The following THSD7A variants were observed in gnomAD, a reference collection of about 807,000 sequenced individuals.
The protein encoded by THSD7A is thrombospondin type 1 domain containing 7A.
THSD7A carries 96 observed loss-of-function variants against 231.3 expected under a neutral mutation model. The ratio of observed to expected loss-of-function variants is 0.41; its 90% CI spans 0.35 to 0.49. The LOEUF is 0.49. Ranked by LOEUF, THSD7A falls within the 20% of genes least tolerant of loss-of-function variation. The pLI is 0.05. For synonymous variants in THSD7A, 940 were observed against 743.3 expected (o/e 1.26, Z -4.30); for missense variants, 2,290 against 2,070.2 (o/e 1.11, Z -2.06).
chr7:11,554,081 G>T (rs977314832), intron 4 of THSD7A, among the ~76,000 whole-genome samples: 1 of 151,932 alleles, frequency 6.6e-6, no homozygotes, highest in Non-Finnish European at 1.5e-5. Context: ...TATAAACATA[G>T]TACAATATTA....
intron 1 of THSD7A, among the ~76,000 whole-genome samples, chr7:11,713,456 C>T (rs1313836735): frequency 6.6e-6 from 1 of 151,208 alleles, no homozygotes; most frequent in African/African-American, 2.4e-5. Context: ...CTCATGCATG[C>T]TCTGAGAATG....
chr7:11,717,087 T>C (rs983513975), intron 1 of THSD7A, among the ~76,000 whole-genome samples: 9 of 99,888 alleles, frequency 9.0e-5, no homozygotes, highest in Non-Finnish European at 1.5e-4. Context: ...GAGAGAAAGC[T>C]AACATTTTTT....
chr7:11,764,970 T>C (rs936573916), intron 1 of THSD7A, among the ~76,000 whole-genome samples: 1 of 152,088 alleles, frequency 6.6e-6, no homozygotes, highest in Non-Finnish European at 1.5e-5. Flanking sequence ...GTATAGAAAC[T>C]CTTAATGACA....
chr7:11,482,306 A>G (rs1167396654), intron 6 of THSD7A, among the ~76,000 whole-genome samples: 1 of 152,190 alleles, frequency 6.6e-6, no homozygotes, highest in African/African-American at 2.4e-5. Context: ...TTAAGTTGTA[A>G]TAAGGAGCAT....
chr7:11,489,929 C>G (rs1263128322), intron 6 of THSD7A, among the ~76,000 whole-genome samples: 1 of 151,852 alleles, frequency 6.6e-6, no homozygotes, highest in Non-Finnish European at 1.5e-5. Flanking sequence ...TTTTAAATAT[C>G]TTTAAGAAAC....
chr7:11,791,506 A>C (rs1298508825), intron 1 of THSD7A, among the ~76,000 whole-genome samples: 1 of 152,000 alleles, frequency 6.6e-6, no homozygotes, highest in Non-Finnish European at 1.5e-5. Context: ...TTAGTTGATC[A>C]TCATATTTGA....
intron 1 of THSD7A, among the ~76,000 whole-genome samples, chr7:11,686,191 G>T (rs1235756085): frequency 6.6e-6 from 1 of 151,740 alleles, no homozygotes; most frequent in Non-Finnish European, 1.5e-5. Context: ...CCAAAGGTGG[G>T]GAGAAAGAGT....
chr7:11,605,802 C>T (rs953597362), intron 2 of THSD7A, among the ~76,000 whole-genome samples: 1 of 152,104 alleles, frequency 6.6e-6, no homozygotes, highest in Admixed American at 6.6e-5. Flanking sequence ...ACTGCTGTTT[C>T]TCTAAAGCTT....
intron 1 of THSD7A, among the ~76,000 whole-genome samples, chr7:11,718,332 A>G (rs1781215799): frequency 6.6e-6 from 1 of 151,684 alleles, no homozygotes; most frequent in African/African-American, 2.4e-5. Flanking sequence ...CTGTCTACAT[A>G]GATACATATA....
At chr7:11,382,265 T>A (rs1427673841) in intron 24 of THSD7A, among the ~76,000 whole-genome samples, 1 of 152,140 alleles carries the variant, frequency 6.6e-6, no homozygotes, top group Non-Finnish European at 1.5e-5. Context: ...AATTATTTAT[T>A]AGAATTAGAT....
chr7:11,595,399 T>G (rs1325873013), intron 2 of THSD7A, among the ~76,000 whole-genome samples: 1 of 152,162 alleles, frequency 6.6e-6, no homozygotes. Context: ...CTGAATTTAT[T>G]GATTTGGGCC....
At chr7:11,576,524 G>T (rs376884411) in intron 4 of THSD7A, among the ~76,000 whole-genome samples, 1 of 152,156 alleles carries the variant, frequency 6.6e-6, no homozygotes, top group Admixed American at 6.5e-5. Flanking sequence ...AGCCGGTCTG[G>T]ATTTGATTCT....
At chr7:11,618,862 T>C (rs1398098492) in intron 2 of THSD7A, among the ~76,000 whole-genome samples, 1 of 151,852 alleles carries the variant, frequency 6.6e-6, no homozygotes, top group Admixed American at 6.6e-5. Context: ...TGCACACATA[T>C]GAATTTAGAT....
intron 6 of THSD7A, among the ~76,000 whole-genome samples, chr7:11,506,524 A>G (rs62435209): frequency 0.29 from 43,717 of 152,024 alleles, 6,469 homozygotes; most frequent in South Asian, 0.42. Context: ...CTTTTAAAAC[A>G]TAGTTCAGAT....
intron 23 of THSD7A, among the ~76,000 whole-genome samples, chr7:11,387,617 A>G (rs1782803233): frequency 6.6e-6 from 1 of 152,172 alleles, no homozygotes; most frequent in Non-Finnish European, 1.5e-5. Flanking sequence ...GGCTGATATG[A>G]TGGGGTTTTC....
intron 2 of THSD7A, among the ~76,000 whole-genome samples, chr7:11,633,571 GTAACACATAAT>G (rs1781731182): frequency 6.6e-6 from 1 of 152,136 alleles, no homozygotes; most frequent in Non-Finnish European, 1.5e-5. Flanking sequence ...CATGAAAGCT[GTAACACATAAT>G]GCCCTTCTAA....
chr7:11,612,733 C>A (rs1349517823), intron 2 of THSD7A, among the ~76,000 whole-genome samples: 2 of 152,140 alleles, frequency 1.3e-5, no homozygotes, highest in Non-Finnish European at 2.9e-5. Context: ...AGTCTCATTT[C>A]ATCATATCCT....
intron 5 of THSD7A, 87 bp from the exon 6 acceptor site, chr7:11,541,718 G>A (rs981287975): frequency 2.4e-6 from 3 of 1,226,902 alleles, no homozygotes; most frequent in Non-Finnish European, 3.5e-6. Context: ...AGTAAAAGTT[G>A]GATAAGAGTG....
intron 1 of THSD7A, among the ~76,000 whole-genome samples, chr7:11,668,515 A>G (rs1420457348): frequency 6.8e-6 from 1 of 146,298 alleles, no homozygotes; most frequent in Non-Finnish European, 1.5e-5. Flanking sequence ...GAAAGAAAGA[A>G]AAAAAGAAAG....
Sources: allele counts gnomAD v4.1 joint callset (sites outside exome capture counted in the v4.1 genomes callset), GRCh38; gene constraint gnomAD v4.1.1; transcripts MANE v1.5; gene names NCBI Gene and HGNC (gene_info 2026-07-23, HGNC 2026-07-21).